The following TGS1 variants were observed in gnomAD, a reference collection of about 807,000 sequenced individuals.
TGS1 encodes trimethylguanosine synthase 1.
A neutral mutation model predicts 92.2 loss-of-function variants in TGS1; 69 were observed. The observed-to-expected ratio is 0.75, with a 90% CI of 0.62 to 0.91. TGS1 has a LOEUF of 0.91. TGS1 is among the 40% of genes least tolerant of loss of function. The pLI is 0.00. For synonymous variants in TGS1, 345 were observed against 338.1 expected (o/e 1.02, Z -0.22); for missense variants, 1,062 against 1,001.2 (o/e 1.06, Z -0.82).
chr8:55,786,528 GTGGCAAAGT>G lies in TGS1; in HGVS notation c.637_645del (p.Ser213_Gln215del). The G allele has an allele frequency of 1.9e-6, 3 of 1,614,184 alleles. No homozygotes were observed. Among genetic ancestry groups the G allele is most frequent in the Non-Finnish European group, 1.7e-6 (2 of 1,180,022 alleles). On this transcript the variant is annotated inframe_deletion, in exon 4 of 13. Coordinates refer to ENST00000260129, the MANE Select transcript of TGS1 (RefSeq NM_024831.8). Reference sequence around the variant, plus strand: ...GGAATGAATATGGAGGAGGACTATTGTGGCAAAGTTGGCAAGAAAAACATCCGGGTCAAG... The same window carrying G: ...GGAATGAATATGGAGGAGGACTATTGTGGCAAGAAAAACATCCGGGTCAAG...
At chr8:55,782,623 A>G (rs1347299755) in intron 1 of TGS1, 125 bp from the exon 2 acceptor site, 2 of 651,186 alleles carry the variant, frequency 3.1e-6, no homozygotes, top group East Asian at 2.8e-5. Flanking sequence ...AGGGAAATGT[A>G]TTAGCAGATT....
At chr8:55,776,277 CTTTTTTTT>C (rs71256565) in intron 1 of TGS1, among the ~76,000 whole-genome samples, 2 of 120,532 alleles carry the variant, frequency 1.7e-5, no homozygotes, top group South Asian at 2.7e-4. Flanking sequence ...TTCACGGTGT[CTTTTTTTT>C]TTTTTTTTTT....
intron 10 of TGS1, 124 bp from the exon 11 acceptor site, chr8:55,810,757 A>G (rs1803315675): frequency 1.0e-5 from 8 of 768,262 alleles, no homozygotes; most frequent in East Asian, 5.1e-5. Flanking sequence ...TATGTGGCCA[A>G]ATGTCTCCTC....
At chr8:55,776,189 TG>T (rs892310104) in intron 1 of TGS1, among the ~76,000 whole-genome samples, 2 of 151,822 alleles carry the variant, frequency 1.3e-5, no homozygotes, top group African/African-American at 4.8e-5. Flanking sequence ...GGATCGTGAT[TG>T]ATTGAGCAAG....
At chr8:55,774,627 A>G (rs1811329515) in intron 1 of TGS1, among the ~76,000 whole-genome samples, 1 of 152,124 alleles carries the variant, frequency 6.6e-6, no homozygotes, top group South Asian at 2.1e-4. Flanking sequence ...GCTCTTGTAT[A>G]TCAAGTATGC....
At chr8:55,794,398 A>G (rs1415682836) in intron 6 of TGS1, among the ~76,000 whole-genome samples, 1 of 152,162 alleles carries the variant, frequency 6.6e-6, no homozygotes, top group Non-Finnish European at 1.5e-5. Flanking sequence ...CAATGTATGG[A>G]TGTACCAAAA....
chr8:55,823,933 T>C lies in TGS1; in HGVS notation c.2440-648T>C, dbSNP rs937626167. ...TTCGAGACCAGCCTGGCCAACTTGG[T>C]GAAACACCATTTCTACTAAAAAAAA... On this transcript the variant is annotated intron_variant, in intron 12 of 12. Coordinates refer to ENST00000260129, the MANE Select transcript of TGS1 (RefSeq NM_024831.8). 1.1e-4 allele frequency among the ~76,000 whole-genome samples: 14 copies of C among 131,538 alleles called. No individual in the cohort carries two copies. In the Admixed American group the frequency reaches 1.1e-3, roughly 10 times the overall value. The allele number at this position is 131,538 out of a possible 152,430, so 86.3% of individuals were successfully genotyped here.
intron 8 of TGS1, among the ~76,000 whole-genome samples, chr8:55,799,880 C>T (rs951110068): frequency 6.6e-6 from 1 of 152,018 alleles, no homozygotes; most frequent in African/African-American, 2.4e-5. Flanking sequence ...AGGCTGGTTT[C>T]CTTTTGGTGT....
intron 12 of TGS1, among the ~76,000 whole-genome samples, chr8:55,816,158 GCTTTC>G: frequency 1.3e-5 from 2 of 152,184 alleles, no homozygotes; most frequent in Middle Eastern, 6.8e-3. Flanking sequence ...ATCTTGCCAT[GCTTTC>G]CTTTCTTTCT....
chr8:55,774,434 T>C (rs1811321791), intron 1 of TGS1, among the ~76,000 whole-genome samples: 1 of 152,234 alleles, frequency 6.6e-6, no homozygotes, highest in Admixed American at 6.5e-5. Context: ...GTGATAGACT[T>C]TTAATATAGT....
chr8:55,794,106 T>C (rs906969173), intron 6 of TGS1, among the ~76,000 whole-genome samples: 6 of 152,212 alleles, frequency 3.9e-5, no homozygotes, highest in Non-Finnish European at 8.8e-5. Flanking sequence ...AACATCTAAA[T>C]TGTTTCCTAA....
rs1265495900 is a variant in TGS1, at chr8:55,799,083, A to G, written c.1712A>G (p.Glu571Gly). 1 of 1,614,192 alleles carries G rather than the reference A, an allele frequency of 6.2e-7. No individual in the cohort carries two copies. The highest frequency in any genetic ancestry group is 8.5e-7 in the Non-Finnish European group (1 of 1,180,034). The part of the protein sequence containing the change: ...DLLETNNPEP[E>G]KCQSVSSAGE... Reference sequence around the variant, plus strand: ...CTGGAGACTAATAATCCAGAACCTGAAAAGTGTCAGAGCGTATCTTCAGCT... The same window carrying G: ...CTGGAGACTAATAATCCAGAACCTGGAAAGTGTCAGAGCGTATCTTCAGCT... The change falls in exon 8 of 13, where the codon GAA (glutamate) becomes GGA (glycine). Residue 571 changes from glutamate to glycine, a missense_variant. Physicochemically the swap from Glu to Gly is moderately conservative, Grantham distance 98 (BLOSUM62 -2). Transcript: ENST00000260129.
Position 55,824,741 on chromosome 8 carries a change from T to G in TGS1, c.*38T>G, listed in dbSNP as rs372959791. The stretch of plus-strand genomic sequence containing the variant: ...GCGAGGACAAAAGATCATGGAGTGG[T>G]CAAAATATTCAGATGAGACATTTGG... On this transcript the variant is annotated 3_prime_UTR_variant, in exon 13 of 13. Transcript: ENST00000260129. 77 of 1,609,080 alleles carry G rather than the reference T, an allele frequency of 4.8e-5. No homozygotes were observed. Among genetic ancestry groups the G allele is most frequent in the Non-Finnish European group, 6.3e-5 (74 of 1,177,176 alleles).
At chr8:55,812,932 C>A (rs1317650318) in intron 11 of TGS1, 108 bp from the exon 12 acceptor site, 4 of 870,512 alleles carry the variant, frequency 4.6e-6, no homozygotes, top group Non-Finnish European at 7.3e-6. Flanking sequence ...AAGTTTTTGC[C>A]TTTTAGTTAC....
intron 12 of TGS1, among the ~76,000 whole-genome samples, chr8:55,822,976 A>G (rs953246121): frequency 6.6e-6 from 1 of 152,200 alleles, no homozygotes; most frequent in African/African-American, 2.4e-5. Context: ...TTTGCTGATT[A>G]CAGTTACAGA....
At chr8:55,780,717 A>G (rs934536062) in intron 1 of TGS1, among the ~76,000 whole-genome samples, 14 of 152,024 alleles carry the variant, frequency 9.2e-5, no homozygotes, top group Non-Finnish European at 2.9e-5. Flanking sequence ...CTTCGCTCCT[A>G]CTGCATTTAT....
chr8:55,797,505 C>G (rs1585773026), intron 7 of TGS1, among the ~76,000 whole-genome samples: 1 of 152,188 alleles, frequency 6.6e-6, no homozygotes, highest in African/African-American at 2.4e-5. Flanking sequence ...ATTCTGAGTT[C>G]TTCCAGAAGT....
intron 4 of TGS1, among the ~76,000 whole-genome samples, chr8:55,787,271 CCTTCT>C (rs1405669376): frequency 3.9e-5 from 6 of 152,162 alleles, no homozygotes; most frequent in South Asian, 2.1e-4. Context: ...AAGTATCATT[CCTTCT>C]CTTGTACTTT....
At chr8:55,822,305 C>T (rs541623906) in intron 12 of TGS1, among the ~76,000 whole-genome samples, 22 of 152,112 alleles carry the variant, frequency 1.4e-4, no homozygotes, top group Middle Eastern at 6.8e-3. Flanking sequence ...CTCCTGACCT[C>T]GTGATCCACC....
Sources: allele counts gnomAD v4.1 joint callset (sites outside exome capture counted in the v4.1 genomes callset), GRCh38; gene constraint gnomAD v4.1.1; transcripts MANE v1.5; gene names NCBI Gene and HGNC (gene_info 2026-07-23, HGNC 2026-07-21).